Variants in ARHGAP26 observed in about 807,000 individuals in gnomAD.
ARHGAP26 encodes the protein Rho GTPase activating protein 26, also known as rho GTPase-activating protein 26.
In ARHGAP26, 38 loss-of-function variants were observed where a neutral mutation model predicts 104.8. That is an observed-to-expected ratio of 0.36 (90% CI 0.28 to 0.48). The LOEUF (loss-of-function observed/expected upper bound fraction) is 0.48, where lower values mean the gene tolerates loss of function less well. Ranked by LOEUF, ARHGAP26 falls within the 20% of genes least tolerant of loss-of-function variation. The pLI is 0.99. For synonymous variants in ARHGAP26, 341 were observed against 340.0 expected, an observed-to-expected ratio of 1.00 and a Z score of -0.03; for missense variants, 704 against 947.9, an observed-to-expected ratio of 0.74 and a Z score of 3.38.
At chr5:142,851,795 C>T (rs1597907881) in intron 1 of ARHGAP26, among the ~76,000 whole-genome samples, 1 of 152,312 alleles carries the variant, frequency 6.6e-6, no homozygotes, top group East Asian at 1.9e-4. Context: ...GGTGCTCTTT[C>T]GGCATGGCCT....
At chr5:142,916,006 A>G (rs867872734) in intron 10 of ARHGAP26, among the ~76,000 whole-genome samples, 38 of 152,146 alleles carry the variant, frequency 2.5e-4, no homozygotes, top group Admixed American at 1.3e-3. Flanking sequence ...CAGGTTCCCC[A>G]GCTCCACCTG....
chr5:142,791,378 C>T (rs1759776321), intron 1 of ARHGAP26, among the ~76,000 whole-genome samples: 1 of 152,198 alleles, frequency 6.6e-6, no homozygotes, highest in South Asian at 2.1e-4. Flanking sequence ...TTCTGTTTCT[C>T]TCTTAGGTCT....
intron 11 of ARHGAP26, among the ~76,000 whole-genome samples, chr5:142,980,096 A>G (rs954985666): frequency 6.6e-6 from 1 of 152,200 alleles, no homozygotes; most frequent in African/African-American, 2.4e-5. Context: ...CTTCTGACTT[A>G]TATTGCCATT....
chr5:143,173,325 T>A (rs938292082), intron 20 of ARHGAP26, among the ~76,000 whole-genome samples: 1 of 152,280 alleles, frequency 6.6e-6, no homozygotes. Context: ...CATGAGCCAC[T>A]GCACCCGGCT....
chr5:142,903,043 C>G (rs1012597294), intron 7 of ARHGAP26, among the ~76,000 whole-genome samples: 1 of 152,180 alleles, frequency 6.6e-6, no homozygotes, highest in Non-Finnish European at 1.5e-5. Context: ...GGCTTTCAAC[C>G]CCCTTCTGCC....
chr5:142,961,261 T>G (rs1274581258), intron 11 of ARHGAP26, among the ~76,000 whole-genome samples: 1 of 151,830 alleles, frequency 6.6e-6, no homozygotes, highest in African/African-American at 2.4e-5. Context: ...GAGGCTGAGG[T>G]GGGAGGATTG....
intron 5 of ARHGAP26, among the ~76,000 whole-genome samples, chr5:142,889,860 C>T (rs1167415272): frequency 6.6e-6 from 1 of 151,454 alleles, no homozygotes; most frequent in South Asian, 2.1e-4. Context: ...CAAGGCCTGG[C>T]GCGGTGGCTC....
chr5:142,837,252 T>A (rs984643458), intron 1 of ARHGAP26, among the ~76,000 whole-genome samples: 2 of 152,170 alleles, frequency 1.3e-5, no homozygotes, highest in Non-Finnish European at 2.9e-5. Flanking sequence ...AAGTTTCCCA[T>A]TGTATCTCTA....
At chr5:143,094,725 G>A (rs1168961456) in intron 17 of ARHGAP26, among the ~76,000 whole-genome samples, 1 of 152,118 alleles carries the variant, frequency 6.6e-6, no homozygotes, top group African/African-American at 2.4e-5. Flanking sequence ...GCTAGGGTTA[G>A]ACAGCACAGG....
At chr5:143,070,981 A>G (rs1788168784) in intron 17 of ARHGAP26, among the ~76,000 whole-genome samples, 1 of 152,234 alleles carries the variant, frequency 6.6e-6, no homozygotes, top group Non-Finnish European at 1.5e-5. Context: ...TAAAACTTAT[A>G]TGGGACCACA....
At chr5:143,168,531 T>C (rs1163377558) in intron 20 of ARHGAP26, 1 of 143,626 alleles carries the variant, frequency 7.0e-6, no homozygotes, top group Non-Finnish European at 1.5e-5. Context: ...TCACACAAGA[T>C]CTTACGACAT....
At position 142,913,167 on chromosome 5, in the gene ARHGAP26, C is replaced by T. The variant is rs749445803; in HGVS notation, c.934-32C>T. ...GGGAGGAGTAGAGCTCCCATTCTGGCCTCATCTTGATAGTCTGTGTGTTCC... is the reference window on the plus strand; with the variant it reads ...GGGAGGAGTAGAGCTCCCATTCTGGTCTCATCTTGATAGTCTGTGTGTTCC... On this transcript the variant is annotated intron_variant, in intron 9 of 22. Transcript: ENST00000645722. The T allele has an allele frequency of 3.8e-6, 6 of 1,578,708 alleles. No individual in the cohort carries two copies. In the South Asian group the frequency reaches 5.5e-5, roughly 15 times the overall value.
At chr5:143,029,178 A>AAAT (rs1468219926) in intron 12 of ARHGAP26, among the ~76,000 whole-genome samples, 3 of 152,134 alleles carry the variant, frequency 2.0e-5, no homozygotes, top group Non-Finnish European at 4.4e-5. Context: ...TGTTCATTTC[A>AAAT]ATGTGGGTGG....
At chr5:142,803,821 C>T (rs993123872) in intron 1 of ARHGAP26, among the ~76,000 whole-genome samples, 1 of 152,132 alleles carries the variant, frequency 6.6e-6, no homozygotes, top group Non-Finnish European at 1.5e-5. Flanking sequence ...GCCAAGGGAA[C>T]GCACAAATAG....
At chr5:143,051,740 C>T (rs142858138) in intron 14 of ARHGAP26, among the ~76,000 whole-genome samples, 31 of 152,308 alleles carry the variant, frequency 2.0e-4, no homozygotes, top group Non-Finnish European at 4.3e-4. Context: ...TCTAATGTTA[C>T]GCAATATTCC....
chr5:142,954,993 T>G (rs897575671), intron 11 of ARHGAP26, among the ~76,000 whole-genome samples: 2 of 152,068 alleles, frequency 1.3e-5, no homozygotes. Context: ...TAAAATGCAT[T>G]CTGGGCTGGG....
At chr5:142,822,567 T>A (rs1329933083) in intron 1 of ARHGAP26, among the ~76,000 whole-genome samples, 1 of 152,114 alleles carries the variant, frequency 6.6e-6, no homozygotes, top group African/African-American at 2.4e-5. Flanking sequence ...TTTGTGTACA[T>A]ATTTATCAGA....
At chr5:142,892,032 G>A (rs1758740458) in intron 5 of ARHGAP26, among the ~76,000 whole-genome samples, 1 of 151,830 alleles carries the variant, frequency 6.6e-6, no homozygotes, top group South Asian at 2.1e-4. Flanking sequence ...CCGCTCGTGG[G>A]CCTGTCCTGG....
intron 17 of ARHGAP26, among the ~76,000 whole-genome samples, chr5:143,092,551 C>A (rs574317494): frequency 1.9e-4 from 29 of 152,194 alleles, no homozygotes; most frequent in African/African-American, 5.8e-4. Context: ...TCTCCCCCCC[C>A]CACCTTTTTT....
Sources: gnomAD v4.1 joint callset for allele counts (sites outside exome capture counted in the v4.1 genomes callset) on GRCh38, gnomAD v4.1.1 for gene constraint, MANE v1.5 for transcripts, NCBI Gene and HGNC (gene_info 2026-07-23, HGNC 2026-07-21) for gene names.